Variants in PTPRT observed in about 807,000 individuals in gnomAD.
PTPRT encodes the protein receptor-type tyrosine-protein phosphatase T.
Under a neutral mutation model 176.8 loss-of-function variants are expected in PTPRT, and 56 were observed. The ratio of observed to expected loss-of-function variants is 0.32; its 90% CI spans 0.26 to 0.40. PTPRT has a LOEUF of 0.40. Ranked by LOEUF, PTPRT falls within the 10% of genes least tolerant of loss-of-function variation. The pLI is 1.00. For synonymous variants in PTPRT, 783 were observed against 739.0 expected, an observed-to-expected ratio of 1.06 and a Z score of -0.96; for missense variants, 1,540 against 1,908.2, an observed-to-expected ratio of 0.81 and a Z score of 3.60.
chr20:43,157,458 T>C (rs112294303), intron 1 of PTPRT, among the ~76,000 whole-genome samples: 9 of 152,190 alleles, frequency 5.9e-5, no homozygotes, highest in African/African-American at 1.9e-4. Flanking sequence ...TATAATAAAG[T>C]ACACTGTAAA....
At chr20:42,323,596 C>T (rs1215003470) in intron 11 of PTPRT, among the ~76,000 whole-genome samples, 1 of 151,860 alleles carries the variant, frequency 6.6e-6, no homozygotes, top group African/African-American at 2.4e-5. Flanking sequence ...GAACATCACA[C>T]TCTGGGGACT....
At chr20:42,913,969 G>A (rs1978563192) in intron 1 of PTPRT, among the ~76,000 whole-genome samples, 1 of 152,122 alleles carries the variant, frequency 6.6e-6, no homozygotes, top group African/African-American at 2.4e-5. Flanking sequence ...ATTCCCTAAT[G>A]TTGAATTTTC....
chr20:42,430,368 G>A (rs1020090375), intron 9 of PTPRT, among the ~76,000 whole-genome samples: 1 of 152,228 alleles, frequency 6.6e-6, no homozygotes, highest in Non-Finnish European at 1.5e-5. Flanking sequence ...AACGTGCACA[G>A]TGACAACCTG....
chr20:42,363,932 C>T (rs1313296795), intron 9 of PTPRT, among the ~76,000 whole-genome samples: 1 of 152,118 alleles, frequency 6.6e-6, no homozygotes, highest in Non-Finnish European at 1.5e-5. Context: ...AGACCAAAAA[C>T]TTTTGCTGGA....
At chr20:43,040,911 C>T (rs1986578809) in intron 1 of PTPRT, among the ~76,000 whole-genome samples, 1 of 152,184 alleles carries the variant, frequency 6.6e-6, no homozygotes, top group Non-Finnish European at 1.5e-5. Context: ...GGAAATAATT[C>T]GAACCTGGAA....
intron 7 of PTPRT, among the ~76,000 whole-genome samples, chr20:42,564,514 G>T (rs774376907): frequency 6.6e-6 from 1 of 152,164 alleles, no homozygotes; most frequent in East Asian, 1.9e-4. Flanking sequence ...ACTCATAAGT[G>T]GGGGTTGAAC....
intron 7 of PTPRT, among the ~76,000 whole-genome samples, chr20:42,550,451 GT>G (rs544439791): frequency 5.3e-5 from 8 of 151,314 alleles, no homozygotes; most frequent in East Asian, 3.9e-4. Context: ...TTGGATTAGG[GT>G]TTTTTTTTAG....
At chr20:42,456,396 C>T (rs982941580) in intron 8 of PTPRT, among the ~76,000 whole-genome samples, 12 of 151,912 alleles carry the variant, frequency 7.9e-5, no homozygotes, top group Non-Finnish European at 8.8e-5. Flanking sequence ...TGATAGCCAC[C>T]AATACAGTCT....
intron 9 of PTPRT, among the ~76,000 whole-genome samples, chr20:42,406,962 T>C (rs990311851): frequency 6.6e-6 from 1 of 152,178 alleles, no homozygotes; most frequent in African/African-American, 2.4e-5. Context: ...ACCAAAGCTT[T>C]CCTCTGGGAA....
intron 7 of PTPRT, among the ~76,000 whole-genome samples, chr20:42,518,403 T>C (rs1040967573): frequency 1.3e-5 from 2 of 152,084 alleles, no homozygotes; most frequent in African/African-American, 4.8e-5. Flanking sequence ...TGTTTTGTGT[T>C]TTCTATTAGA....
intron 9 of PTPRT, among the ~76,000 whole-genome samples, chr20:42,369,385 C>G (rs982072950): frequency 2.0e-5 from 3 of 152,196 alleles, no homozygotes; most frequent in South Asian, 4.1e-4. Flanking sequence ...AACGCACTAC[C>G]TGTCTCCAAA....
chr20:42,987,036 G>A (rs1436493772), intron 1 of PTPRT, among the ~76,000 whole-genome samples: 2 of 152,172 alleles, frequency 1.3e-5, no homozygotes, highest in African/African-American at 4.8e-5. Flanking sequence ...TACTGGGGCT[G>A]TAGGAAGGCA....
At chr20:42,320,679 G>A (rs1392379696) in intron 11 of PTPRT, among the ~76,000 whole-genome samples, 1 of 152,136 alleles carries the variant, frequency 6.6e-6, no homozygotes, top group African/African-American at 2.4e-5. Context: ...GGAGGAAGTG[G>A]AGCAAGGGTG....
intron 7 of PTPRT, among the ~76,000 whole-genome samples, chr20:42,557,801 A>G (rs1191039569): frequency 3.9e-5 from 6 of 152,208 alleles, no homozygotes; most frequent in African/African-American, 9.6e-5. Flanking sequence ...CTTTACCTGG[A>G]TAAGCCCAAT....
chr20:42,657,756 T>G lies in PTPRT; in HGVS notation c.1153+20110A>C, dbSNP rs113318587. Among the ~76,000 whole-genome samples, 672 of 152,274 alleles carry G rather than the reference T, an allele frequency of 4.4e-3. 5 individuals are homozygous for G. Among genetic ancestry groups the G allele is most frequent in the African/African-American group, 0.015 (631 of 41,540 alleles). ...CCATGATCAGGAAGAGGGACAACCT[T>G]GCTCCCTCAAGGAAAAAAAGCTAGT... On this transcript the variant is annotated intron_variant, in intron 7 of 30. Transcript: ENST00000373187.
intron 1 of PTPRT, among the ~76,000 whole-genome samples, chr20:43,120,915 A>T (rs2013235164): frequency 6.6e-6 from 1 of 152,216 alleles, no homozygotes; most frequent in Admixed American, 6.5e-5. Context: ...TTGCTGAGTA[A>T]ATTTTCACAA....
chr20:42,399,343 G>A (rs899787703), intron 9 of PTPRT, among the ~76,000 whole-genome samples: 2 of 152,192 alleles, frequency 1.3e-5, no homozygotes. Flanking sequence ...AGGAACTATG[G>A]CACCCTCAGA....
intron 12 of PTPRT, among the ~76,000 whole-genome samples, chr20:42,294,537 G>A (rs2057361232): frequency 6.6e-6 from 1 of 151,940 alleles, no homozygotes; most frequent in Non-Finnish European, 1.5e-5. Flanking sequence ...TTACTATCCA[G>A]TCAGAACAAA....
intron 17 of PTPRT, among the ~76,000 whole-genome samples, chr20:42,155,272 G>T (rs1989303252): frequency 6.6e-6 from 1 of 152,224 alleles, no homozygotes; most frequent in Admixed American, 6.5e-5. Context: ...CTGAGGCTCA[G>T]ATCTATCTGG....
Sources: gnomAD v4.1 joint callset for allele counts (sites outside exome capture counted in the v4.1 genomes callset) on GRCh38, gnomAD v4.1.1 for gene constraint, MANE v1.5 for transcripts, NCBI Gene and HGNC (gene_info 2026-07-23, HGNC 2026-07-21) for gene names.